PTPRQ: variants seen among roughly 807,000 people sequenced by gnomAD.
The protein encoded by PTPRQ is phosphatidylinositol phosphatase PTPRQ.
In PTPRQ, 199 loss-of-function variants were observed where a neutral mutation model predicts 246.0. The observed-to-expected ratio is 0.81, with a 90% confidence interval of 0.72 to 0.91. The LOEUF (loss-of-function observed/expected upper bound fraction) is 0.91. Among genes scored for constraint, PTPRQ ranks in the 40% least tolerant of loss-of-function variants. The probability of loss-of-function intolerance (pLI) is 0.00; values close to 1 mark genes in which losing one functional copy is unlikely to be tolerated. For synonymous variants in PTPRQ, 869 were observed against 853.2 expected (o/e 1.02, Z -0.32); for missense variants, 2,624 against 2,528.4 (o/e 1.04, Z -0.81).
chr12:80,460,788 A>T lies in PTPRQ; in HGVS notation c.796A>T (p.Ile266Phe), dbSNP rs566401859. Reference protein sequence around the residue: ...NEISSVWKEPISFVVTHLRPY... With the variant: ...NEISSVWKEPFSFVVTHLRPY... ...GATCAGCTCTGTGTGGAAAGAGCCT[A>T]TCAGTTTTGTAGTGACACACTTGAG... Residue 266 changes from isoleucine to phenylalanine, a missense_variant, in exon 6 of 45, where the codon ATC becomes TTC. By Grantham distance (21) the Ile-to-Phe change is conservative (BLOSUM62 0). Coordinates refer to ENST00000644991, the MANE Select transcript of PTPRQ (RefSeq NM_001145026.2). 7.5e-6 allele frequency: 3 copies of T among 400,574 alleles called. No homozygotes were observed. Among genetic ancestry groups the T allele is most frequent in the Non-Finnish European group, 1.3e-5 (3 of 226,218 alleles). 24.8% of individuals were successfully genotyped at this position (400,574 alleles called of 1,614,324 possible).
intron 8 of PTPRQ, among the ~76,000 whole-genome samples, chr12:80,476,552 A>G (rs759217234): frequency 7.9e-5 from 12 of 152,174 alleles, no homozygotes; most frequent in African/African-American, 2.2e-4. Flanking sequence ...TTGGATGAAA[A>G]CTTTGTATAG....
chr12:80,540,857 A>G (rs1168960690), intron 20 of PTPRQ, among the ~76,000 whole-genome samples: 2 of 152,100 alleles, frequency 1.3e-5, no homozygotes, highest in Admixed American at 6.6e-5. Context: ...ATTTTTGCCA[A>G]CCTATGACAT....
At chr12:80,606,408 T>C (rs1395785823) in intron 27 of PTPRQ, among the ~76,000 whole-genome samples, 1 of 150,792 alleles carries the variant, frequency 6.6e-6, no homozygotes, top group Non-Finnish European at 1.5e-5. Context: ...TGAATGGGAG[T>C]AGATAGCCAT....
chr12:80,513,667 T>C (rs1037905324), intron 17 of PTPRQ, among the ~76,000 whole-genome samples: 10 of 152,090 alleles, frequency 6.6e-5, no homozygotes, highest in Non-Finnish European at 1.3e-4. Context: ...TACCCCGCAC[T>C]TCCCTGCCCC....
At position 80,506,604 on chromosome 12, in the gene PTPRQ, T is replaced by C; in HGVS notation, c.2491T>C (p.Ser831Pro). 1.9e-6 allele frequency: 3 copies of C among 1,541,880 alleles called. No homozygotes were observed. Among genetic ancestry groups the C allele is most frequent in the Non-Finnish European group, 2.6e-6 (3 of 1,140,052 alleles). ...KKYTQYIIEVSASTLKGEGVR... is the reference protein window; with the variant it reads ...KKYTQYIIEVPASTLKGEGVR... Reference sequence around the variant, plus strand: ...ATATACCCAATATATCATTGAGGTGTCTGCTAGTACACTCAAAGGTGAAGG... The same window carrying C: ...ATATACCCAATATATCATTGAGGTGCCTGCTAGTACACTCAAAGGTGAAGG... The change falls in exon 16 of 45, where the codon TCT (serine) becomes CCT (proline). Residue 831 changes from serine (S) to proline (P), a missense_variant. By Grantham distance (74) the Ser-to-Pro change is moderately conservative (BLOSUM62 -1). Coordinates refer to ENST00000644991, the MANE Select transcript of PTPRQ (RefSeq NM_001145026.2).
chr12:80,613,933 C>T, intron 29 of PTPRQ, 97 bp downstream of exon 29: 1 of 1,298,080 alleles, frequency 7.7e-7, no homozygotes, highest in Non-Finnish European at 9.9e-7. Flanking sequence ...CATGACATTT[C>T]CCATATCTTT....
chr12:80,477,362 A>G (rs888192418), intron 8 of PTPRQ, among the ~76,000 whole-genome samples: 1 of 152,220 alleles, frequency 6.6e-6, no homozygotes, highest in African/African-American at 2.4e-5. Context: ...TTATGAAACC[A>G]TCAAGATTTC....
At chr12:80,660,683 G>A (rs1441378479) in intron 39 of PTPRQ, among the ~76,000 whole-genome samples, 1 of 151,912 alleles carries the variant, frequency 6.6e-6, no homozygotes, top group Non-Finnish European at 1.5e-5. Context: ...GAGATTAAAG[G>A]CTATCATGCA....
intron 27 of PTPRQ, among the ~76,000 whole-genome samples, chr12:80,608,585 T>TTATAC (rs1592712500): frequency 1.5e-5 from 2 of 131,220 alleles, no homozygotes; most frequent in African/African-American, 2.8e-5. Flanking sequence ...AAATTTATAA[T>TTATAC]TTATAAATTA....
intron 27 of PTPRQ, among the ~76,000 whole-genome samples, chr12:80,606,622 TTCTC>T (rs1461695743): frequency 1.3e-5 from 2 of 151,048 alleles, no homozygotes; most frequent in African/African-American, 4.8e-5. Context: ...TTCTCCTCCT[TTCTC>T]TCTGTCTCTT....
At position 80,658,031 on chromosome 12, in the gene PTPRQ, T is replaced by C; in HGVS notation, c.6162T>C (p.Gly2054=). The C allele has an allele frequency of 6.9e-7, 1 of 1,440,906 alleles. No homozygotes were observed. The allele number at this position is 1,440,906 out of a possible 1,614,324, so 89.3% of individuals were successfully genotyped here. The stretch of plus-strand genomic sequence containing the variant: ...TGATAGCTGACGCTAGTGTTCCAGG[T>C]TCGGATTATATTAATGCCAGCTATA... ...VKLIADASVP[G]SDYINASYIS... Residue 2054 remains glycine, a synonymous_variant, in exon 39 of 45, where the codon GGT becomes GGC. Transcript: ENST00000644991.
Position 80,525,668 on chromosome 12 carries a change from C to G in PTPRQ, c.2679-8347C>G, listed in dbSNP as rs564760759. On this transcript the variant is annotated intron_variant, in intron 17 of 44. Coordinates refer to ENST00000644991, the MANE Select transcript of PTPRQ (RefSeq NM_001145026.2). ...TCTCTCTCTCTGTCTCTCTCTCTCT[C>G]TCTCTCTCTCTCTGTCTCTGTCACT... 1.2e-4 allele frequency among the ~76,000 whole-genome samples: 19 copies of G among 152,062 alleles called. No homozygotes were observed. In the East Asian group the frequency reaches 3.7e-3, roughly 29 times the overall value.
chr12:80,669,449 T>A lies in PTPRQ; in HGVS notation c.6438T>A (p.Asp2146Glu). 1.9e-6 allele frequency: 3 copies of A among 1,544,096 alleles called. No homozygotes were observed. Among genetic ancestry groups the A allele is most frequent in the Non-Finnish European group, 2.6e-6 (3 of 1,144,082 alleles). Residue 2146 changes from aspartate (D) to glutamate (E), a missense_variant, in exon 41 of 45, where the codon GAT becomes GAA. Transcript: ENST00000644991. Reference sequence around the variant, plus strand: ...TTCAAATAGATTGGACTATCAGGGATCTGAAAATTGAAAGGGTAAAAAAAA... The same window carrying A: ...TTCAAATAGATTGGACTATCAGGGAACTGAAAATTGAAAGGGTAAAAAAAA... ...EDVQIDWTIR[D>E]LKIERHGDCM... is the part of the protein sequence containing the mutation.
In PTPRQ at chr12:80,605,089, T is replaced by C. The variant is rs2121079747; in HGVS notation, c.4640T>C (p.Val1547Ala). Residue 1547 changes from valine (V) to alanine (A), a missense_variant, in exon 27 of 45, where the codon GTA (valine) becomes GCA (alanine). Transcript: ENST00000644991. Reference protein sequence around the residue: ...PPDGPPENVHVVATSPFSISI... With the variant: ...PPDGPPENVHAVATSPFSISI... ...GATGGTCCTCCTGAAAATGTTCATGTAGTAGCAACATCACCTTTTAGCATC... is the reference window on the plus strand; with the variant it reads ...GATGGTCCTCCTGAAAATGTTCATGCAGTAGCAACATCACCTTTTAGCATC... 1.3e-6 allele frequency: 2 copies of C among 1,544,602 alleles called. No individual in the cohort carries two copies. Among genetic ancestry groups the C allele is most frequent in the South Asian group, 1.2e-5 (1 of 83,208 alleles).
intron 17 of PTPRQ, among the ~76,000 whole-genome samples, chr12:80,530,214 T>A (rs2120790788): frequency 6.6e-6 from 1 of 152,316 alleles, no homozygotes; most frequent in Non-Finnish European, 1.5e-5. Context: ...TGGTCACAAC[T>A]AATTTCTTTG....
At chr12:80,519,930 G>A (rs906639100) in intron 17 of PTPRQ, among the ~76,000 whole-genome samples, 4 of 151,954 alleles carry the variant, frequency 2.6e-5, no homozygotes, top group Admixed American at 6.6e-5. Context: ...AGCTACAATT[G>A]TTTTAATATT....
In PTPRQ at chr12:80,484,624, A is replaced by G; in HGVS notation, c.1359+19A>G. The G allele has an allele frequency of 1.9e-6, 3 of 1,547,086 alleles. No individual in the cohort carries two copies. Among genetic ancestry groups the G allele is most frequent in the Non-Finnish European group, 2.6e-6 (3 of 1,146,024 alleles). On this transcript the variant is annotated intron_variant, in intron 9 of 44. Transcript: ENST00000644991. The stretch of plus-strand genomic sequence containing the variant: ...TAATGAGGTATTGCATTTTTATTTC[A>G]CTTATTGGTGAACCCTTTCTGCTTG...
At chr12:80,571,319 T>C (rs1447108022) in intron 25 of PTPRQ, among the ~76,000 whole-genome samples, 1 of 152,194 alleles carries the variant, frequency 6.6e-6, no homozygotes, top group Non-Finnish European at 1.5e-5. Context: ...TTTATATTTT[T>C]AGTAGAGACA....
rs1163680096 is a variant in PTPRQ at position 80,577,652 on chromosome 12, A to T, written c.4286-10477A>T. On this transcript the variant is annotated intron_variant, in intron 25 of 44. Coordinates refer to ENST00000644991, the MANE Select transcript of PTPRQ (RefSeq NM_001145026.2). Reference sequence around the variant, plus strand: ...TTTTATTGAGAAATTTTTTAAAGGTAAGTGTTTCACAGTATGTAATTTTAA... The same window carrying T: ...TTTTATTGAGAAATTTTTTAAAGGTTAGTGTTTCACAGTATGTAATTTTAA... Among the ~76,000 whole-genome samples, 3 of 152,166 alleles carry T rather than the reference A, an allele frequency of 2.0e-5. No individual in the cohort carries two copies. The East Asian group carries it at 5.8e-4, about 29-fold the overall frequency.
Sources: allele counts gnomAD v4.1 joint callset (sites outside exome capture counted in the v4.1 genomes callset), GRCh38; gene constraint gnomAD v4.1.1; transcripts MANE v1.5; gene names NCBI Gene and HGNC (gene_info 2026-07-23, HGNC 2026-07-21).